TIAM2: variants seen among roughly 807,000 people sequenced by gnomAD.
TIAM2 encodes TIAM Rac1 associated GEF 2.
TIAM2 carries 80 observed loss-of-function variants against 152.9 expected under a neutral mutation model. The ratio of observed to expected loss-of-function variants is 0.52; its 90% CI spans 0.44 to 0.63. The LOEUF (loss-of-function observed/expected upper bound fraction) is 0.63. TIAM2 is among the 30% of genes least tolerant of loss of function. The probability of loss-of-function intolerance (pLI) is 0.00; values close to 1 mark genes in which losing one functional copy is unlikely to be tolerated. For missense variants in TIAM2, 1,965 were observed against 2,120.1 expected (o/e 0.93, Z 1.44); for synonymous variants, 804 against 838.0 (o/e 0.96, Z 0.70).
At chr6:155,052,406 A>C (rs912604675) in intron 1 of TIAM2, among the ~76,000 whole-genome samples, 4 of 152,096 alleles carry the variant, frequency 2.6e-5, no homozygotes, top group Admixed American at 6.6e-5. Flanking sequence ...TATAGGCAGA[A>C]CTCTTTGATA....
chr6:155,234,548 G>A (rs1033976322), intron 15 of TIAM2, among the ~76,000 whole-genome samples: 3 of 152,202 alleles, frequency 2.0e-5, no homozygotes, highest in East Asian at 1.9e-4. Flanking sequence ...GACCATAGGC[G>A]TGTGCCACCA....
rs1780841872 is a variant in TIAM2 at position 155,179,469 on chromosome 6, A to G, written c.2707+13A>G. The G allele has an allele frequency of 6.3e-7, 1 of 1,592,140 alleles. No homozygotes were observed. The highest frequency in any genetic ancestry group is 8.5e-7 in the Non-Finnish European group (1 of 1,171,210). ...GTGTGTGACTTTGGTGAGTGTAAGG[A>G]ATGCCCCTTTCAGGGAATTGTGTTG... On this transcript the variant is annotated intron_variant, in intron 12 of 26. Coordinates refer to ENST00000682666, the MANE Select transcript of TIAM2 (RefSeq NM_012454.4).
intron 1 of TIAM2, among the ~76,000 whole-genome samples, chr6:155,035,403 T>C (rs2114897432): frequency 6.6e-6 from 1 of 152,162 alleles, no homozygotes; most frequent in South Asian, 2.1e-4. Flanking sequence ...GTATTTTTAG[T>C]AGAAATGGGG....
intron 12 of TIAM2, among the ~76,000 whole-genome samples, chr6:155,180,009 G>A (rs182679042): frequency 1.1e-4 from 16 of 152,328 alleles, no homozygotes; most frequent in Admixed American, 5.2e-4. Flanking sequence ...GCTGGGCGCC[G>A]TGGCTCATGC....
chr6:155,111,946 C>T (rs528606629), intron 2 of TIAM2, among the ~76,000 whole-genome samples: 1 of 152,272 alleles, frequency 6.6e-6, no homozygotes, highest in South Asian at 2.1e-4. Flanking sequence ...GGTCTTTCTC[C>T]ACCCCATTCT....
intron 6 of TIAM2, among the ~76,000 whole-genome samples, chr6:155,146,240 G>A (rs1036507484): frequency 6.6e-6 from 1 of 152,164 alleles, no homozygotes; most frequent in East Asian, 1.9e-4. Flanking sequence ...AATTAGCCAG[G>A]CATGGTGGTG....
At chr6:155,199,548 T>A (rs1209948242) in intron 14 of TIAM2, among the ~76,000 whole-genome samples, 1 of 152,222 alleles carries the variant, frequency 6.6e-6, no homozygotes, top group Non-Finnish European at 1.5e-5. Context: ...CTATAACTAT[T>A]TTCTTGACTC....
At chr6:155,112,030 A>G (rs1778864626) in intron 2 of TIAM2, among the ~76,000 whole-genome samples, 1 of 151,436 alleles carries the variant, frequency 6.6e-6, no homozygotes, top group African/African-American at 2.4e-5. Context: ...GGTTTTTGTT[A>G]TTTGAATCAG....
intron 1 of TIAM2, among the ~76,000 whole-genome samples, chr6:155,082,582 G>A (rs1226700219): frequency 6.6e-5 from 10 of 151,368 alleles, no homozygotes; most frequent in African/African-American, 2.4e-4. Context: ...CCCAGAAGGC[G>A]GAGGTTGCAG....
chr6:155,195,509 T>C (rs1209927584), intron 14 of TIAM2, among the ~76,000 whole-genome samples: 4 of 152,232 alleles, frequency 2.6e-5, no homozygotes, highest in African/African-American at 9.6e-5. Flanking sequence ...GGGCTAGAGA[T>C]AAACAGTGAA....
chr6:155,051,320 C>T lies in TIAM2; in HGVS notation c.-208-38969C>T, dbSNP rs73571684. On this transcript the variant is annotated intron_variant, in intron 1 of 26. Transcript: ENST00000682666. ...GAGCTTGTGCCCTGGGAGCAGAGCCCGCTTACTCCCATCCATGGGTGCCCG... is the reference window on the plus strand; with the variant it reads ...GAGCTTGTGCCCTGGGAGCAGAGCCTGCTTACTCCCATCCATGGGTGCCCG... 5.2e-3 allele frequency among the ~76,000 whole-genome samples: 793 copies of T among 152,242 alleles called. 5 individuals are homozygous for T. Among genetic ancestry groups the T allele is most frequent in the African/African-American group, 0.015 (622 of 41,544 alleles).
chr6:155,092,709 G>C (rs1040892101), intron 2 of TIAM2, among the ~76,000 whole-genome samples: 1 of 151,908 alleles, frequency 6.6e-6, no homozygotes, highest in Non-Finnish European at 1.5e-5. Flanking sequence ...TACAAAATTA[G>C]CCAGGCTTGG....
At chr6:155,069,133 C>T (rs11760015) in intron 1 of TIAM2, among the ~76,000 whole-genome samples, 29,733 of 152,044 alleles carry the variant, frequency 0.2, 3,607 homozygotes, top group Non-Finnish European at 0.27. Flanking sequence ...CTTGCTCTGT[C>T]ACCCAGGCTG....
At chr6:155,046,475 A>G (rs1777178235) in intron 1 of TIAM2, among the ~76,000 whole-genome samples, 1 of 151,616 alleles carries the variant, frequency 6.6e-6, no homozygotes, top group South Asian at 2.1e-4. Context: ...AGCTGGGACT[A>G]CAGGCATGTG....
At chr6:155,134,861 G>A (rs150326850) in intron 4 of TIAM2, among the ~76,000 whole-genome samples, 86 of 152,012 alleles carry the variant, frequency 5.7e-4, no homozygotes, top group African/African-American at 1.9e-3. Flanking sequence ...ATGTGCCGCC[G>A]CACCTGGCTA....
At chr6:155,212,570 C>T (rs750333494) in intron 15 of TIAM2, among the ~76,000 whole-genome samples, 5 of 152,192 alleles carry the variant, frequency 3.3e-5, no homozygotes, top group Admixed American at 1.3e-4. Context: ...TAAAGTGGAA[C>T]GATGGCTCGG....
rs1784040788 is a variant in TIAM2 at position 155,256,518 on chromosome 6, C to A, written c.4503C>A (p.Ser1501=). 6.2e-7 allele frequency: 1 copy of A among 1,614,068 alleles called. No individual in the cohort carries two copies. Among genetic ancestry groups the A allele is most frequent in the African/African-American group, 1.3e-5 (1 of 74,918 alleles). Residue 1501 remains serine (S), a synonymous_variant, in exon 27 of 27, where the codon TCC becomes TCA. Coordinates refer to ENST00000682666, the MANE Select transcript of TIAM2 (RefSeq NM_012454.4). The stretch of plus-strand genomic sequence containing the variant: ...GGTCTTTAAAAGTCCTGAAGAATTC[C>A]TCCAGCAACGAGTGGACCGGTGAGA... ...SSRSLKVLKN[S]SSNEWTGETG...
chr6:155,204,236 A>T (rs1276663724), intron 14 of TIAM2, among the ~76,000 whole-genome samples: 1 of 152,166 alleles, frequency 6.6e-6, no homozygotes, highest in African/African-American at 2.4e-5. Context: ...TTCTGGGAAG[A>T]TGGCAACCCA....
intron 2 of TIAM2, among the ~76,000 whole-genome samples, chr6:155,103,364 T>C (rs923701586): frequency 6.6e-6 from 1 of 152,164 alleles, no homozygotes; most frequent in African/African-American, 2.4e-5. Flanking sequence ...CAGGAGGTTC[T>C]GGCAGAGAAG....
Sources: gnomAD v4.1 joint callset for allele counts (sites outside exome capture counted in the v4.1 genomes callset) on GRCh38, gnomAD v4.1.1 for gene constraint, MANE v1.5 for transcripts, NCBI Gene and HGNC (gene_info 2026-07-23, HGNC 2026-07-21) for gene names.